The following ANKRD30BL variants were observed in gnomAD, a reference collection of about 807,000 sequenced individuals.
ANKRD30BL encodes the protein putative ankyrin repeat domain-containing protein 30B-like.
ANKRD30BL carries 20 observed loss-of-function variants against 18.4 expected under a neutral mutation model. The observed-to-expected ratio is 1.09, with a 90% CI of 0.77 to 1.58. The LOEUF (loss-of-function observed/expected upper bound fraction) is 1.58, where lower values mean the gene tolerates loss of function less well. ANKRD30BL is among the 40% of genes most tolerant of loss of function. ANKRD30BL has a pLI of 0.00. For missense variants in ANKRD30BL, 224 were observed against 268.6 expected (o/e 0.83, Z 1.16); for synonymous variants, 72 against 100.9 (o/e 0.71, Z 1.72).
chr2:132,192,072 C>G (rs749493537), intron 1 of ANKRD30BL, among the ~76,000 whole-genome samples: 1 of 152,050 alleles, frequency 6.6e-6, no homozygotes, highest in African/African-American at 2.4e-5. Context: ...TTGTAAAATT[C>G]TTTTTCTTTC....
chr2:132,232,069 G>T (rs929455314), intron 1 of ANKRD30BL, among the ~76,000 whole-genome samples: 8 of 152,156 alleles, frequency 5.3e-5, no homozygotes, highest in African/African-American at 1.9e-4. Flanking sequence ...TCCCCAGCAG[G>T]GGCACACTGA....
intron 1 of ANKRD30BL, among the ~76,000 whole-genome samples, chr2:132,220,934 C>A (rs1198425984): frequency 6.6e-6 from 1 of 151,700 alleles, no homozygotes; most frequent in Non-Finnish European, 1.5e-5. Flanking sequence ...TCTTCCCGGC[C>A]GCCATCCCAT....
At chr2:132,149,013 T>C (rs1687687997) in intron 5 of ANKRD30BL, among the ~76,000 whole-genome samples, 1 of 152,170 alleles carries the variant, frequency 6.6e-6, no homozygotes, top group South Asian at 2.1e-4. Context: ...AGAAATTCAA[T>C]AGAGACAGCT....
At chr2:132,189,117 T>C (rs1243326347) in intron 1 of ANKRD30BL, among the ~76,000 whole-genome samples, 4 of 152,156 alleles carry the variant, frequency 2.6e-5, no homozygotes, top group Non-Finnish European at 5.9e-5. Context: ...ATCCATACAA[T>C]AGAAAGCCCC....
At position 132,173,358 on chromosome 2, in the gene ANKRD30BL, G is replaced by A. The variant is rs184240721; in HGVS notation, n.442-16212C>T. Among the ~76,000 whole-genome samples, 79 of 146,450 alleles carry A rather than the reference G, an allele frequency of 5.4e-4. No homozygotes were observed. The East Asian group carries it at 0.015, about 29-fold the overall frequency. ...TCTGTCACCCAGGCTGGAGTGCAGT[G>A]GCTCAATCCTGGATCACTGCAAGCT... On this transcript the variant is annotated intron_variant and non_coding_transcript_variant, in intron 1 of 4. Transcript: ENST00000470729.
intron 1 of ANKRD30BL, among the ~76,000 whole-genome samples, chr2:132,224,407 C>T (rs920467175): frequency 1.1e-4 from 16 of 151,962 alleles, no homozygotes; most frequent in African/African-American, 3.9e-4. Context: ...TTTTGAAACA[C>T]TCTTTGTAGA....
chr2:132,237,608 G>C (rs1410522074), intron 1 of ANKRD30BL, among the ~76,000 whole-genome samples: 1 of 152,016 alleles, frequency 6.6e-6, no homozygotes, highest in African/African-American at 2.4e-5. Context: ...CGCTGGAAAC[G>C]GGTATGTCTT....
chr2:132,225,708 T>C (rs1679826116), intron 1 of ANKRD30BL, among the ~76,000 whole-genome samples: 1 of 152,080 alleles, frequency 6.6e-6, no homozygotes, highest in South Asian at 2.1e-4. Flanking sequence ...CTTCTTTGGC[T>C]GTGTGCATTC....
chr2:132,221,545 G>C (rs1363498377), intron 1 of ANKRD30BL, among the ~76,000 whole-genome samples: 2 of 133,998 alleles, frequency 1.5e-5, no homozygotes, highest in African/African-American at 3.2e-5. Context: ...GGAGGGAGGT[G>C]GGGGGGTCAG....
intron 1 of ANKRD30BL, among the ~76,000 whole-genome samples, chr2:132,202,068 C>T (rs1284565875): frequency 6.6e-5 from 10 of 152,082 alleles, no homozygotes; most frequent in African/African-American, 2.4e-4. Context: ...CGCATATTCT[C>T]ACTCATAGGT....
At chr2:132,167,766 AAATT>A (rs1573811985) in intron 1 of ANKRD30BL, among the ~76,000 whole-genome samples, 1 of 152,300 alleles carries the variant, frequency 6.6e-6, no homozygotes, top group East Asian at 1.9e-4. Flanking sequence ...GTCTATCTTT[AAATT>A]AATTAGAATC....
chr2:132,161,902 G>C lies in ANKRD30BL; in HGVS notation c.-197C>G. On this transcript the variant is annotated 5_prime_UTR_variant, in exon 1 of 6. Coordinates refer to ENST00000409867, the MANE Select transcript of ANKRD30BL (RefSeq NM_001358416.1). The stretch of plus-strand genomic sequence containing the variant: ...CGCAAAACCGTTAGGCAGCTGAGCA[G>C]AACCGTTAGGCACCTGAGCAGAACC... 1.7e-6 allele frequency: 1 copy of C among 580,276 alleles called. No homozygotes were observed. The highest frequency in any genetic ancestry group is 2.1e-5 in the South Asian group (1 of 48,282). The allele number at this position is 580,276 out of a possible 1,614,324, so 35.9% of individuals were successfully genotyped here.
chr2:132,153,057 G>A (rs1687801002), intron 4 of ANKRD30BL, among the ~76,000 whole-genome samples: 1 of 152,142 alleles, frequency 6.6e-6, no homozygotes, highest in African/African-American at 2.4e-5. Flanking sequence ...GGTCACAAAG[G>A]CCAATCATTA....
intron 1 of ANKRD30BL, among the ~76,000 whole-genome samples, chr2:132,194,741 A>G (rs1290473861): frequency 1.3e-5 from 2 of 152,216 alleles, no homozygotes; most frequent in Non-Finnish European, 2.9e-5. Context: ...AGCAGATCTA[A>G]ACATTAATTC....
chr2:132,157,813 T>C (rs1289309882), intron 1 of ANKRD30BL, among the ~76,000 whole-genome samples: 3 of 152,198 alleles, frequency 2.0e-5, no homozygotes, highest in African/African-American at 7.2e-5. Flanking sequence ...TTGGAAGAAT[T>C]CCTAGCACAT....
At chr2:132,249,098 A>G (rs1680580868) in intron 1 of ANKRD30BL, among the ~76,000 whole-genome samples, 1 of 152,184 alleles carries the variant, frequency 6.6e-6, no homozygotes, top group African/African-American at 2.4e-5. Context: ...AGTTTCTCAG[A>G]AACCTTCTGT....
intron 1 of ANKRD30BL, among the ~76,000 whole-genome samples, chr2:132,204,628 AC>A (rs1679174760): frequency 6.6e-6 from 1 of 152,146 alleles, no homozygotes; most frequent in South Asian, 2.1e-4. Context: ...CTAAATTAAA[AC>A]ATTAGCAGCA....
intron 4 of ANKRD30BL, 118 bp downstream of exon 4, chr2:132,154,544 T>A: frequency 3.9e-6 from 2 of 507,080 alleles, no homozygotes; most frequent in Non-Finnish European, 7.1e-6. Context: ...TTTGTGTTGG[T>A]ATTTTTCTGC....
At chr2:132,179,737 C>T (rs1425765369) in intron 1 of ANKRD30BL, among the ~76,000 whole-genome samples, 1 of 151,994 alleles carries the variant, frequency 6.6e-6, no homozygotes, top group Non-Finnish European at 1.5e-5. Context: ...GTTATTGCCC[C>T]AAGGAACTTC....
Sources: allele counts gnomAD v4.1 joint callset (sites outside exome capture counted in the v4.1 genomes callset), GRCh38; gene constraint gnomAD v4.1.1; transcripts MANE v1.5; gene names NCBI Gene and HGNC (gene_info 2026-07-23, HGNC 2026-07-21).